Variants in GC observed in about 807,000 individuals in gnomAD.
The protein encoded by GC is GC vitamin D binding protein.
Under a neutral mutation model 56.7 loss-of-function variants are expected in GC, and 43 were observed. The ratio of observed to expected loss-of-function variants is 0.76; its 90% CI spans 0.59 to 0.98. GC has a LOEUF of 0.98. Ranked by LOEUF, GC falls within the 50% of genes least tolerant of loss-of-function variation. The pLI, the probability that GC is intolerant of heterozygous loss-of-function variation, is 0.00. For missense variants in GC, 529 were observed against 545.9 expected (o/e 0.97, Z 0.31); for synonymous variants, 216 against 202.7 (o/e 1.07, Z -0.56).
chr4:71,743,558 G>A (rs1168511429), intron 12 of GC, among the ~76,000 whole-genome samples: 1 of 152,140 alleles, frequency 6.6e-6, no homozygotes, highest in African/African-American at 2.4e-5. Context: ...ATAGTTGGAT[G>A]ACTTCATAAT....
chr4:71,766,203 G>A (rs958922042), intron 3 of GC, among the ~76,000 whole-genome samples: 4 of 152,138 alleles, frequency 2.6e-5, no homozygotes, highest in African/African-American at 9.7e-5. Context: ...TTTTGCATCA[G>A]AATTACTCAT....
At position 71,804,034 on chromosome 4, in the gene GC, A is replaced by G. The variant is rs1009770131; in HGVS notation, c.-88T>C. 4 of 833,930 alleles carry G rather than the reference A, an allele frequency of 4.8e-6. No homozygotes were observed. The African/African-American group carries it at 6.7e-5, about 14-fold the overall frequency. 51.7% of individuals were successfully genotyped at this position (833,930 alleles called of 1,614,324 possible). The stretch of plus-strand genomic sequence containing the variant: ...TGGTGGAGTAAGCAATCTCTTTGAA[A>G]AAACAGTGAAAAGAGCATCAACGTT... On this transcript the variant is annotated 5_prime_UTR_variant, in exon 1 of 14. Transcript: ENST00000504199.
chr4:71,788,377 C>A (rs901819174), upstream of GC, among the ~76,000 whole-genome samples: 2 of 151,374 alleles, frequency 1.3e-5, no homozygotes, highest in East Asian at 2.0e-4. Flanking sequence ...AAAATGCTGA[C>A]AAATATAAAT....
intron 1 of GC, among the ~76,000 whole-genome samples, chr4:71,771,934 G>A (rs1176497715): frequency 3.3e-5 from 5 of 152,164 alleles, no homozygotes; most frequent in Non-Finnish European, 7.4e-5. Context: ...CTAAAGCAGA[G>A]CTAGGAGAAA....
intron 8 of GC, among the ~76,000 whole-genome samples, chr4:71,755,335 G>A (rs111227171): frequency 0.016 from 2,472 of 151,888 alleles, 35 homozygotes; most frequent in Non-Finnish European, 0.026. Flanking sequence ...GCTAAGTTTT[G>A]TATTTTTAGT....
chr4:71,758,394 C>A (rs536606734), intron 6 of GC, among the ~76,000 whole-genome samples: 3 of 152,146 alleles, frequency 2.0e-5, no homozygotes, highest in Non-Finnish European at 4.4e-5. Context: ...TACCCAAATG[C>A]AGCTTCTCTT....
intron 11 of GC, 90 bp from the exon 12 acceptor site, chr4:71,746,295 C>G (rs555386222): frequency 1.9e-5 from 12 of 623,534 alleles, no homozygotes; most frequent in East Asian, 1.7e-4. Flanking sequence ...AATCTTGAAA[C>G]CTTGGTTAGG....
intron 8 of GC, among the ~76,000 whole-genome samples, chr4:71,756,191 A>C (rs140840728): frequency 6.6e-6 from 1 of 152,302 alleles, no homozygotes; most frequent in African/African-American, 2.4e-5. Flanking sequence ...TAGGCTTTTG[A>C]TTTGTGACTT....
chr4:71,796,977 G>T (rs979519265), intron 1 of GC, among the ~76,000 whole-genome samples: 4 of 152,316 alleles, frequency 2.6e-5, no homozygotes, highest in East Asian at 1.9e-4. Context: ...GACCCTGTTT[G>T]CCTGGGTGTC....
intron 1 of GC, among the ~76,000 whole-genome samples, chr4:71,780,249 G>A (rs988078383): frequency 6.6e-6 from 1 of 151,874 alleles, no homozygotes; most frequent in African/African-American, 2.4e-5. Flanking sequence ...TGGATTAAAG[G>A]CTTAAATGTT....
intron 1 of GC, among the ~76,000 whole-genome samples, chr4:71,783,222 A>G (rs114737000): frequency 0.018 from 2,802 of 151,836 alleles, 42 homozygotes; most frequent in Non-Finnish European, 0.03. Flanking sequence ...GTCCCTTGTG[A>G]ACATTAAAGA....
At chr4:71,744,305 C>T (rs1323685805) in intron 12 of GC, among the ~76,000 whole-genome samples, 2 of 137,892 alleles carry the variant, frequency 1.5e-5, no homozygotes, top group African/African-American at 5.1e-5. Context: ...AAAAAAAAAC[C>T]CAAATTAGCT....
intron 1 of GC, among the ~76,000 whole-genome samples, chr4:71,781,249 G>A (rs1356254165): frequency 6.6e-6 from 1 of 151,902 alleles, no homozygotes; most frequent in Non-Finnish European, 1.5e-5. Flanking sequence ...GTGGGGAGCA[G>A]GGGGAGGGAT....
upstream of GC, among the ~76,000 whole-genome samples, chr4:71,787,499 G>C (rs752008051): frequency 5.3e-5 from 8 of 151,744 alleles, no homozygotes; most frequent in Non-Finnish European, 1.2e-4. Context: ...TAACATGCAA[G>C]CTATTGGTAC....
At chr4:71,802,953 C>T (rs1293551593) in intron 1 of GC, among the ~76,000 whole-genome samples, 1 of 150,138 alleles carries the variant, frequency 6.7e-6, no homozygotes, top group Non-Finnish European at 1.5e-5. Context: ...ATAGCTTTCA[C>T]ACCATCACAG....
At chr4:71,791,338 C>A (rs1197530029) in intron 1 of GC, among the ~76,000 whole-genome samples, 5 of 151,986 alleles carry the variant, frequency 3.3e-5, no homozygotes, top group African/African-American at 7.2e-5. Flanking sequence ...GACAGTTATT[C>A]TTTTCATTGC....
At chr4:71,766,323 G>T (rs1313345158) in intron 3 of GC, among the ~76,000 whole-genome samples, 1 of 152,172 alleles carries the variant, frequency 6.6e-6, no homozygotes, top group African/African-American at 2.4e-5. Context: ...AGATTTATGT[G>T]CAGGTGCAGT....
chr4:71,788,669 A>G (rs1742899609), upstream of GC, among the ~76,000 whole-genome samples: 1 of 99,406 alleles, frequency 1.0e-5, no homozygotes, highest in South Asian at 4.5e-4. Flanking sequence ...AAAGAAGGAA[A>G]GAAAGAAAGA....
intron 6 of GC, among the ~76,000 whole-genome samples, chr4:71,762,887 C>T (rs964973498): frequency 2.6e-5 from 4 of 152,122 alleles, no homozygotes; most frequent in Non-Finnish European, 5.9e-5. Flanking sequence ...TCCCCAGTTT[C>T]GGGTATGTCT....
Sources: gnomAD v4.1 joint callset for allele counts (sites outside exome capture counted in the v4.1 genomes callset) on GRCh38, gnomAD v4.1.1 for gene constraint, MANE v1.5 for transcripts, NCBI Gene and HGNC (gene_info 2026-07-23, HGNC 2026-07-21) for gene names.